Variants in ZCCHC10 observed in about 807,000 individuals in gnomAD.
The protein encoded by ZCCHC10 is zinc finger CCHC-type containing 10.
ZCCHC10 carries 16 observed loss-of-function variants against 19.5 expected under a neutral mutation model. The ratio of observed to expected loss-of-function variants is 0.82; its 90% CI spans 0.56 to 1.25. The LOEUF is 1.25. Among genes scored for constraint, ZCCHC10 ranks in the 50% most tolerant of loss-of-function variants. ZCCHC10 has a pLI of 0.00. For missense variants in ZCCHC10, 197 were observed against 201.0 expected, an observed-to-expected ratio of 0.98 and a Z score of 0.12; for synonymous variants, 67 against 72.5, an observed-to-expected ratio of 0.92 and a Z score of 0.38.
At chr5:133,005,972 ATGC>A (rs1763091200) in intron 3 of ZCCHC10, among the ~76,000 whole-genome samples, 3 of 143,524 alleles carry the variant, frequency 2.1e-5, no homozygotes, top group South Asian at 2.2e-4. Flanking sequence ...CCTTAGGAAG[ATGC>A]TGCTTTTTTT....
chr5:133,018,707 C>CA (rs1764091707), intron 2 of ZCCHC10, among the ~76,000 whole-genome samples: 1 of 152,162 alleles, frequency 6.6e-6, no homozygotes, highest in Non-Finnish European at 1.5e-5. Context: ...CACGTCCAGC[C>CA]TGCGCTGCAT....
At chr5:133,018,848 G>C (rs113867413) in intron 2 of ZCCHC10, among the ~76,000 whole-genome samples, 2,391 of 152,294 alleles carry the variant, frequency 0.016, 30 homozygotes, top group Middle Eastern at 0.037. Context: ...ACTAGACAGA[G>C]CACTCAGTAA....
chr5:133,016,106 C>A (rs1763902057), intron 2 of ZCCHC10, among the ~76,000 whole-genome samples: 1 of 152,050 alleles, frequency 6.6e-6, no homozygotes, highest in African/African-American at 2.4e-5. Context: ...TCTGGTACAA[C>A]AACAAAAAAA....
chr5:133,025,420 C>T (rs1175034244), intron 1 of ZCCHC10, among the ~76,000 whole-genome samples: 3 of 137,996 alleles, frequency 2.2e-5, no homozygotes, highest in South Asian at 5.0e-4. Flanking sequence ...AGGGGAACGG[C>T]GTGAACCCGG....
At position 132,998,371 on chromosome 5, in the gene ZCCHC10, T is replaced by TA. The variant is rs372819005; in HGVS notation, c.*211dup. Reference sequence around the variant, plus strand: ...AAGTTCTAGAGATATATTTTAAAGATAAAAAAAACAAGATTCACCCTTCAA... The same window carrying TA: ...AAGTTCTAGAGATATATTTTAAAGATAAAAAAAAACAAGATTCACCCTTCAA... On this transcript the variant is annotated 3_prime_UTR_variant, in exon 5 of 5. Transcript: ENST00000509437. 4,083 of 475,026 alleles carry TA rather than the reference T, an allele frequency of 8.6e-3. 133 individuals carry two copies. The highest frequency in any genetic ancestry group is 0.069 in the African/African-American group (3,572 of 51,404). 29.4% of individuals were successfully genotyped at this position (475,026 alleles called of 1,614,324 possible).
At chr5:133,022,982 G>T in intron 1 of ZCCHC10, 76 bp from the exon 2 acceptor site, 1 of 420,504 alleles carries the variant, frequency 2.4e-6, no homozygotes, top group Admixed American at 4.3e-5. Flanking sequence ...AGGCAGGGGA[G>T]GTCTGACTTG....
Position 132,998,763 on chromosome 5 carries a change from A to G in ZCCHC10, c.399T>C (p.Ser133=). The G allele has an allele frequency of 6.2e-7, 1 of 1,614,188 alleles. No individual in the cohort carries two copies. ...SSSESEETST[S]SSSEDSDTDE... ...CAGTGTCACTGTCCTCTGAGGAGGAAGAGGTAGATGTTTCTTCACTCTCTG... is the reference window on the plus strand; with the variant it reads ...CAGTGTCACTGTCCTCTGAGGAGGAGGAGGTAGATGTTTCTTCACTCTCTG... Residue 133 remains serine (S), a synonymous_variant, in exon 5 of 5, where the codon TCT becomes TCC. Transcript: ENST00000509437.
At chr5:133,025,301 G>A (rs575456369) in intron 1 of ZCCHC10, among the ~76,000 whole-genome samples, 3 of 151,852 alleles carry the variant, frequency 2.0e-5, no homozygotes, top group East Asian at 1.9e-4. Flanking sequence ...TCAGGGGATC[G>A]AGACCATCCT....
At chr5:133,007,716 T>C (rs1763217554) in intron 2 of ZCCHC10, among the ~76,000 whole-genome samples, 1 of 152,120 alleles carries the variant, frequency 6.6e-6, no homozygotes, top group Non-Finnish European at 1.5e-5. Flanking sequence ...GTTGTGTAAA[T>C]TGCCCAGTCT....
intron 3 of ZCCHC10, among the ~76,000 whole-genome samples, chr5:133,006,553 C>T (rs1179698795): frequency 6.6e-6 from 1 of 152,110 alleles, no homozygotes; most frequent in African/African-American, 2.4e-5. Context: ...AATAATACTA[C>T]CTACCTTAAT....
intron 3 of ZCCHC10, among the ~76,000 whole-genome samples, chr5:133,004,441 T>G (rs999594883): frequency 6.6e-6 from 1 of 152,266 alleles, no homozygotes; most frequent in African/African-American, 2.4e-5. Context: ...CCCAAAGTGC[T>G]GGGATTACAG....
chr5:133,007,343 C>T (rs2126578652), intron 2 of ZCCHC10, among the ~76,000 whole-genome samples: 1 of 152,068 alleles, frequency 6.6e-6, no homozygotes, highest in African/African-American at 2.4e-5. Context: ...GAGATTGAGA[C>T]CATCCTGGCT....
chr5:133,021,457 G>A (rs190430365), intron 2 of ZCCHC10, among the ~76,000 whole-genome samples: 123 of 152,294 alleles, frequency 8.1e-4, no homozygotes, highest in African/African-American at 2.8e-3. Context: ...AATAAATGGC[G>A]AGATATACAT....
At chr5:133,026,099 G>A (rs1764685168) in intron 1 of ZCCHC10, among the ~76,000 whole-genome samples, 2 of 152,210 alleles carry the variant, frequency 1.3e-5, no homozygotes, top group Admixed American at 6.5e-5. Context: ...AAAGGCAGCT[G>A]GGCTGGACAC....
In ZCCHC10 at chr5:132,998,922, T is replaced by TTTTTTC. The variant is rs1035764546; in HGVS notation, c.312-78_312-73dup. 45 of 1,547,168 alleles carry TTTTTTC rather than the reference T, an allele frequency of 2.9e-5. 1 individual carries two copies. The highest frequency in any genetic ancestry group is 3.8e-5 in the Non-Finnish European group (44 of 1,150,498). Reference sequence around the variant, plus strand: ...AGAATGTTAAAAGCAATTTCATTTTTTTTTTCTTTTCGAGACAGAGTCTTG... The same window carrying TTTTTTC: ...AGAATGTTAAAAGCAATTTCATTTTTTTTTTCTTTTTCTTTTCGAGACAGAGTCTTG... On this transcript the variant is annotated intron_variant, in intron 4 of 4. Transcript: ENST00000509437.
chr5:133,010,894 C>T (rs999977552), intron 2 of ZCCHC10, among the ~76,000 whole-genome samples: 40 of 151,472 alleles, frequency 2.6e-4, no homozygotes, highest in African/African-American at 8.7e-4. Context: ...CGGATTCAAG[C>T]GATTCTCCTG....
chr5:133,003,791 AC>A (rs1359785527), intron 3 of ZCCHC10, among the ~76,000 whole-genome samples: 5 of 152,188 alleles, frequency 3.3e-5, no homozygotes, highest in Non-Finnish European at 5.9e-5. Context: ...GCTCCCTGCA[AC>A]TTCTGCCTCC....
intron 1 of ZCCHC10, among the ~76,000 whole-genome samples, chr5:133,025,420 C>G (rs1175034244): frequency 7.3e-6 from 1 of 137,876 alleles, no homozygotes; most frequent in East Asian, 2.5e-4. Context: ...AGGGGAACGG[C>G]GTGAACCCGG....
chr5:133,021,111 T>A lies in ZCCHC10; in HGVS notation c.107+1730A>T, dbSNP rs557801774. Among the ~76,000 whole-genome samples, 10 of 152,310 alleles carry A rather than the reference T, an allele frequency of 6.6e-5. No individual in the cohort carries two copies. In the South Asian group the frequency reaches 1.7e-3, roughly 25 times the overall value. ...TGGGGTTTCACTGTGTTAGCCAGGA[T>A]AGTCTTGATCTTTTGACCTCGTGAT... On this transcript the variant is annotated intron_variant, in intron 2 of 4. Transcript: ENST00000509437.
Sources: gnomAD v4.1 joint callset for allele counts (sites outside exome capture counted in the v4.1 genomes callset) on GRCh38, gnomAD v4.1.1 for gene constraint, MANE v1.5 for transcripts, NCBI Gene and HGNC (gene_info 2026-07-23, HGNC 2026-07-21) for gene names.